NEK7: variants seen among roughly 807,000 people sequenced by gnomAD.
NEK7 encodes the protein NIMA related kinase 7, also known as serine/threonine-protein kinase Nek7.
A neutral mutation model predicts 44.6 loss-of-function variants in NEK7; 18 were observed. The observed-to-expected ratio is 0.40, with a 90% CI of 0.28 to 0.60. The LOEUF (loss-of-function observed/expected upper bound fraction) is 0.60. NEK7 is among the 20% of genes least tolerant of loss of function. The probability of loss-of-function intolerance (pLI) is 0.38; values close to 1 mark genes in which losing one functional copy is unlikely to be tolerated. For synonymous variants in NEK7, 130 were observed against 121.1 expected (o/e 1.07, Z -0.48); for missense variants, 256 against 366.5 (o/e 0.70, Z 2.46).
At chr1:198,228,020 T>C (rs1666279141) in intron 1 of NEK7, among the ~76,000 whole-genome samples, 1 of 152,246 alleles carries the variant, frequency 6.6e-6, no homozygotes, top group South Asian at 2.1e-4. Context: ...TTTAAGTCTT[T>C]AATCCATCTT....
At chr1:198,318,998 A>C (rs1219575742) in intron 9 of NEK7, among the ~76,000 whole-genome samples, 1 of 152,110 alleles carries the variant, frequency 6.6e-6, no homozygotes, top group Non-Finnish European at 1.5e-5. Flanking sequence ...GTCAACTCTA[A>C]TTGCCTTCCA....
At chr1:198,199,213 A>G (rs958712252) in intron 1 of NEK7, among the ~76,000 whole-genome samples, 1 of 152,232 alleles carries the variant, frequency 6.6e-6, no homozygotes, top group Non-Finnish European at 1.5e-5. Context: ...GAACTGCAAT[A>G]TGGTTGCAGT....
intron 2 of NEK7, chr1:198,245,129 A>C (rs1251825160): frequency 2.4e-5 from 4 of 166,950 alleles, no homozygotes; most frequent in Admixed American, 1.3e-4. Flanking sequence ...ATGATATTTA[A>C]TATTCATTAA....
chr1:198,204,480 G>A (rs1452955611), intron 1 of NEK7, among the ~76,000 whole-genome samples: 2 of 152,124 alleles, frequency 1.3e-5, no homozygotes, highest in Admixed American at 6.5e-5. Context: ...AGCACTTTGG[G>A]AGGCCGAGGC....
chr1:198,300,239 T>C (rs928925252), intron 9 of NEK7, among the ~76,000 whole-genome samples: 1 of 152,242 alleles, frequency 6.6e-6, no homozygotes, highest in African/African-American at 2.4e-5. Flanking sequence ...TTGGTATTGT[T>C]GGTGACAGTG....
chr1:198,307,976 A>G (rs1253981764), intron 9 of NEK7, among the ~76,000 whole-genome samples: 1 of 152,166 alleles, frequency 6.6e-6, no homozygotes, highest in African/African-American at 2.4e-5. Flanking sequence ...GAAAAAATCA[A>G]ATGCCTTGGG....
chr1:198,240,995 G>A (rs979555661), intron 2 of NEK7, among the ~76,000 whole-genome samples: 42 of 152,156 alleles, frequency 2.8e-4, no homozygotes, highest in African/African-American at 9.6e-4. Flanking sequence ...TCCCGGCCAA[G>A]ACCAATAATT....
intron 1 of NEK7, among the ~76,000 whole-genome samples, chr1:198,164,778 A>C (rs1664216206): frequency 6.6e-6 from 1 of 152,212 alleles, no homozygotes; most frequent in South Asian, 2.1e-4. Flanking sequence ...TTTTCTTAAA[A>C]GTAGACAACC....
At chr1:198,268,823 T>C (rs1215785844) in intron 5 of NEK7, among the ~76,000 whole-genome samples, 2 of 152,144 alleles carry the variant, frequency 1.3e-5, no homozygotes, top group Non-Finnish European at 2.9e-5. Context: ...ATATATTTGC[T>C]ATGGAATCTG....
intron 1 of NEK7, among the ~76,000 whole-genome samples, chr1:198,230,479 C>G (rs576946377): frequency 6.6e-6 from 1 of 152,092 alleles, no homozygotes; most frequent in South Asian, 2.1e-4. Flanking sequence ...AATCTAACAT[C>G]TATTCTTTGT....
chr1:198,303,875 C>A (rs1013733317), intron 9 of NEK7, among the ~76,000 whole-genome samples: 4 of 151,960 alleles, frequency 2.6e-5, no homozygotes, highest in African/African-American at 9.7e-5. Flanking sequence ...ATAATAAAAT[C>A]AATAATATAT....
intron 2 of NEK7, among the ~76,000 whole-genome samples, chr1:198,241,600 A>G (rs1161618162): frequency 6.6e-6 from 1 of 152,220 alleles, no homozygotes; most frequent in African/African-American, 2.4e-5. Flanking sequence ...AGAGGAATAT[A>G]TAGCGGACCT....
chr1:198,271,902 A>G (rs1460570962), intron 5 of NEK7, among the ~76,000 whole-genome samples: 2 of 121,142 alleles, frequency 1.7e-5, no homozygotes, highest in Non-Finnish European at 3.2e-5. Flanking sequence ...AAAAATTTAT[A>G]TTTTATATAT....
chr1:198,278,005 G>T lies in NEK7; in HGVS notation c.417G>T (p.Trp139Cys). 1.2e-6 allele frequency: 2 copies of T among 1,608,058 alleles called. No homozygotes were observed. The highest frequency in any genetic ancestry group is 1.7e-6 in the Non-Finnish European group (2 of 1,175,602). Reference sequence around the variant, plus strand: ...GGCTAATTCCTGAAAGAACTGTTTGGAAGTATTTTGTTCAGCTTTGCAGTG... The same window carrying T: ...GGCTAATTCCTGAAAGAACTGTTTGTAAGTATTTTGTTCAGCTTTGCAGTG... Reference protein sequence around the residue: ...QKRLIPERTVWKYFVQLCSAL... With the variant: ...QKRLIPERTVCKYFVQLCSAL... The change falls in exon 6 of 10, where the codon TGG becomes TGT. Residue 139 changes from tryptophan to cysteine, a missense_variant. Physicochemically the swap from Trp to Cys is radical, Grantham distance 215 (BLOSUM62 -2). Around this residue, in one of 3 missense-constraint regions of NEK7, gnomAD observed 102 missense variants for 205.2 expected, o/e 0.50. Transcript: ENST00000367385.
At chr1:198,249,340 G>A (rs1652826951) in intron 2 of NEK7, among the ~76,000 whole-genome samples, 1 of 152,042 alleles carries the variant, frequency 6.6e-6, no homozygotes, top group Non-Finnish European at 1.5e-5. Context: ...GAATAGTGCT[G>A]CAATAAACAT....
At chr1:198,220,492 C>G (rs1357048291) in intron 1 of NEK7, among the ~76,000 whole-genome samples, 1 of 152,020 alleles carries the variant, frequency 6.6e-6, no homozygotes, top group Non-Finnish European at 1.5e-5. Context: ...TGATAGTTAT[C>G]CTAGTAGTTC....
chr1:198,254,981 G>T lies in NEK7; in HGVS notation c.198+1801G>T, dbSNP rs572046330. Among the ~76,000 whole-genome samples the T allele has an allele frequency of 2.6e-5, 4 of 152,222 alleles. No individual in the cohort carries two copies. In the South Asian group the frequency reaches 6.2e-4, roughly 24 times the overall value. On this transcript the variant is annotated intron_variant, in intron 3 of 9. Coordinates refer to ENST00000367385, the MANE Select transcript of NEK7 (RefSeq NM_133494.3). ...TCTGAGCACCCAGGGAAATAAAAAA[G>T]AAACTAGTGGTATTATTCCTGCCCT...
chr1:198,297,063 C>T (rs1162455491), intron 8 of NEK7, 64 bp from the exon 9 acceptor site: 1 of 1,042,628 alleles, frequency 9.6e-7, no homozygotes, highest in East Asian at 2.4e-5. Flanking sequence ...GTATAATATA[C>T]TTGATGAAAT....
At chr1:198,220,255 A>C (rs2102842512) in intron 1 of NEK7, among the ~76,000 whole-genome samples, 1 of 152,076 alleles carries the variant, frequency 6.6e-6, no homozygotes, top group East Asian at 1.9e-4. Flanking sequence ...ACATGTCCAC[A>C]TTGTTCTTTG....
Sources: allele counts gnomAD v4.1 joint callset (sites outside exome capture counted in the v4.1 genomes callset), GRCh38; gene constraint gnomAD v4.1.1; regional missense constraint gnomAD v4.1.1; transcripts MANE v1.5; gene names NCBI Gene and HGNC (gene_info 2026-07-23, HGNC 2026-07-21).